GOLM1: variants seen among roughly 807,000 people sequenced by gnomAD.
GOLM1 encodes the protein golgi membrane protein 1.
Under a neutral mutation model 50.5 loss-of-function variants are expected in GOLM1, and 31 were observed. The ratio of observed to expected loss-of-function variants is 0.61; its 90% CI spans 0.46 to 0.83. The LOEUF (loss-of-function observed/expected upper bound fraction) is 0.83, where lower values mean the gene tolerates loss of function less well. Ranked by LOEUF, GOLM1 falls within the 40% of genes least tolerant of loss-of-function variation. The pLI is 0.00. For synonymous variants in GOLM1, 178 were observed against 192.8 expected, an observed-to-expected ratio of 0.92 and a Z score of 0.64; for missense variants, 491 against 501.3, an observed-to-expected ratio of 0.98 and a Z score of 0.20.
chr9:86,044,421 G>A (rs986187320), intron 5 of GOLM1, among the ~76,000 whole-genome samples: 3 of 152,310 alleles, frequency 2.0e-5, no homozygotes, highest in Non-Finnish European at 4.4e-5. Context: ...ACATGGAAAT[G>A]CCGAAGAACG....
intron 4 of GOLM1, among the ~76,000 whole-genome samples, chr9:86,052,162 G>A (rs1453679293): frequency 6.6e-6 from 1 of 152,108 alleles, no homozygotes; most frequent in Non-Finnish European, 1.5e-5. Context: ...ATTAAATTGG[G>A]CTGGACAGTT....
intron 8 of GOLM1, among the ~76,000 whole-genome samples, chr9:86,034,192 T>A (rs1052257209): frequency 1.3e-5 from 2 of 152,136 alleles, no homozygotes; most frequent in African/African-American, 4.8e-5. Context: ...CTTGAACTCC[T>A]GACCTCATGA....
At chr9:86,095,824 T>A (rs551999229) in intron 1 of GOLM1, among the ~76,000 whole-genome samples, 9 of 152,326 alleles carry the variant, frequency 5.9e-5, no homozygotes, top group South Asian at 4.1e-4. Flanking sequence ...CCTTGGAGAA[T>A]TTGGATGCCA....
At chr9:86,090,808 A>G (rs942619801) in intron 1 of GOLM1, among the ~76,000 whole-genome samples, 1 of 151,360 alleles carries the variant, frequency 6.6e-6, no homozygotes, top group South Asian at 2.1e-4. Context: ...AAAAAAAAAA[A>G]AAAAAACTCC....
In GOLM1 at chr9:86,079,308, C is replaced by G. The variant is rs1402245300; in HGVS notation, c.13G>C (p.Gly5Arg). ...GACTTCATGCTGCGACGCCCGTTTC[C>G]CAAGCCCATCATCTCAAAATCAGCG... MMGL[G>R]NGRRSMKSPP... The change falls in exon 2 of 10, where the codon GGA becomes CGA. Residue 5 changes from glycine (G) to arginine (R), a missense_variant. Transcript: ENST00000388712. 3 of 1,593,856 alleles carry G rather than the reference C, an allele frequency of 1.9e-6. No homozygotes were observed. In the African/African-American group the frequency reaches 4.1e-5, roughly 22 times the overall value.
intron 3 of GOLM1, among the ~76,000 whole-genome samples, chr9:86,055,376 A>T: frequency 6.6e-6 from 1 of 152,134 alleles, no homozygotes; most frequent in East Asian, 1.9e-4. Context: ...ACTCTTGGAA[A>T]CAGCTCGCTC....
At chr9:86,070,322 C>G (rs1834412332) in intron 3 of GOLM1, among the ~76,000 whole-genome samples, 1 of 152,062 alleles carries the variant, frequency 6.6e-6, no homozygotes, top group South Asian at 2.1e-4. Context: ...GCCTCTAATC[C>G]CAGTACTTTG....
intron 9 of GOLM1, among the ~76,000 whole-genome samples, chr9:86,031,857 G>A (rs753208593): frequency 6.9e-6 from 1 of 145,042 alleles, no homozygotes; most frequent in Non-Finnish European, 1.5e-5. Flanking sequence ...AAAGAAAGAC[G>A]CCAGGTTGCA....
intron 3 of GOLM1, among the ~76,000 whole-genome samples, chr9:86,057,149 C>G (rs1834018136): frequency 6.6e-6 from 1 of 152,120 alleles, no homozygotes; most frequent in Non-Finnish European, 1.5e-5. Flanking sequence ...GAAACTAAAC[C>G]TCAAAGAATC....
At chr9:86,087,900 C>T (rs1160036628) in intron 1 of GOLM1, among the ~76,000 whole-genome samples, 2 of 152,054 alleles carry the variant, frequency 1.3e-5, no homozygotes, top group African/African-American at 4.8e-5. Flanking sequence ...CTGAAATTTT[C>T]TTTTTTTGTT....
At chr9:86,057,159 C>T (rs1240601335) in intron 3 of GOLM1, among the ~76,000 whole-genome samples, 1 of 152,130 alleles carries the variant, frequency 6.6e-6, no homozygotes, top group Non-Finnish European at 1.5e-5. Flanking sequence ...CTCAAAGAAT[C>T]TGGGTGAATT....
At chr9:86,043,394 C>G (rs537782456) in intron 5 of GOLM1, among the ~76,000 whole-genome samples, 9 of 152,274 alleles carry the variant, frequency 5.9e-5, no homozygotes, top group African/African-American at 2.2e-4. Flanking sequence ...TCGGCACTGC[C>G]TTCTATAGAA....
chr9:86,090,594 A>G (rs1373364913), intron 1 of GOLM1, among the ~76,000 whole-genome samples: 2 of 151,908 alleles, frequency 1.3e-5, no homozygotes, highest in African/African-American at 4.8e-5. Context: ...CCCTCTACCA[A>G]GCTCGAGCAT....
At chr9:86,060,532 G>C (rs1834121915) in intron 3 of GOLM1, among the ~76,000 whole-genome samples, 1 of 152,042 alleles carries the variant, frequency 6.6e-6, no homozygotes, top group Non-Finnish European at 1.5e-5. Flanking sequence ...GAGGAAACTA[G>C]TCCAGTCCAC....
chr9:86,053,602 ACACAT>A (rs1833871769), intron 3 of GOLM1, among the ~76,000 whole-genome samples: 1 of 1,750 alleles, frequency 5.7e-4, no homozygotes, highest in Non-Finnish European at 1.6e-3. Context: ...CACTCCACAC[ACACAT>A]CACACACCAC....
chr9:86,059,013 T>A (rs1213731915), intron 3 of GOLM1, among the ~76,000 whole-genome samples: 6 of 150,640 alleles, frequency 4.0e-5, no homozygotes, highest in Admixed American at 4.0e-4. Context: ...AATAAATAAA[T>A]AAAAATAAAA....
At chr9:86,071,154 G>C (rs1834437415) in intron 3 of GOLM1, among the ~76,000 whole-genome samples, 1 of 151,966 alleles carries the variant, frequency 6.6e-6, no homozygotes, top group Non-Finnish European at 1.5e-5. Context: ...CTGGAGCACA[G>C]TGGTGCAATT....
rs569210854 is a variant in GOLM1 at position 86,091,683 on chromosome 9, G to A, written c.-22+7728C>T. Among the ~76,000 whole-genome samples the A allele has an allele frequency of 5.3e-5, 8 of 152,124 alleles. No individual in the cohort carries two copies. The South Asian group carries it at 1.2e-3, about 24-fold the overall frequency. ...AAGCAATCCTCACACCTCAGTCTCC[G>A]AGTAGGCACATGCTGCCGCACATGG... On this transcript the variant is annotated intron_variant, in intron 1 of 9. Coordinates refer to ENST00000388712, the MANE Select transcript of GOLM1 (RefSeq NM_016548.4).
chr9:86,035,016 C>G (rs1833089808), intron 8 of GOLM1: 1 of 985,172 alleles, frequency 1.0e-6, no homozygotes, highest in Non-Finnish European at 1.2e-6. Context: ...CTAAATGGCA[C>G]CAGACACTGC....
Sources: gnomAD v4.1 joint callset for allele counts (sites outside exome capture counted in the v4.1 genomes callset) on GRCh38, gnomAD v4.1.1 for gene constraint, MANE v1.5 for transcripts, NCBI Gene and HGNC (gene_info 2026-07-23, HGNC 2026-07-21) for gene names.